Variants in RIPOR3 observed in about 807,000 individuals in gnomAD.
The protein encoded by RIPOR3 is RIPOR family member 3, also known as family with sequence similarity 65 member C.
Under a neutral mutation model 114.3 loss-of-function variants are expected in RIPOR3, and 95 were observed. The ratio of observed to expected loss-of-function variants is 0.83; its 90% CI spans 0.70 to 0.99. RIPOR3 has a LOEUF of 0.99. Among genes scored for constraint, RIPOR3 ranks in the 50% least tolerant of loss-of-function variants. The pLI, the probability that RIPOR3 is intolerant of heterozygous loss-of-function variation, is 0.00. For missense variants in RIPOR3, 1,252 were observed against 1,266.9 expected (o/e 0.99, Z 0.18); for synonymous variants, 575 against 543.8 (o/e 1.06, Z -0.80).
At chr20:50,598,643 T>C (rs2083386565) in intron 13 of RIPOR3, among the ~76,000 whole-genome samples, 1 of 152,174 alleles carries the variant, frequency 6.6e-6, no homozygotes, top group African/African-American at 2.4e-5. Flanking sequence ...TGATTCTCAA[T>C]AGTCAAGGTA....
chr20:50,666,183 A>ATTTCT (rs60151515), intron 1 of RIPOR3, among the ~76,000 whole-genome samples: 2,994 of 43,766 alleles, frequency 0.068, 471 homozygotes, highest in African/African-American at 0.13. Flanking sequence ...AAGGACACCC[A>ATTTCT]TTTCTTTTCT....
chr20:50,671,931 TG>T (rs2086518086), intron 1 of RIPOR3, among the ~76,000 whole-genome samples: 1 of 146,302 alleles, frequency 6.8e-6, no homozygotes, highest in African/African-American at 2.6e-5. Flanking sequence ...GATGGATGGA[TG>T]GATGGATAGG....
chr20:50,663,402 C>T (rs1316489242), intron 1 of RIPOR3, among the ~76,000 whole-genome samples: 2 of 152,200 alleles, frequency 1.3e-5, no homozygotes, highest in African/African-American at 4.8e-5. Flanking sequence ...GGCACAGTGG[C>T]TACTAGCCAG....
chr20:50,613,881 C>T (rs1449590951), intron 4 of RIPOR3, among the ~76,000 whole-genome samples: 1 of 152,162 alleles, frequency 6.6e-6, no homozygotes, highest in Non-Finnish European at 1.5e-5. Flanking sequence ...AAGGGTGAGG[C>T]ATGCTGAGCT....
intron 1 of RIPOR3, among the ~76,000 whole-genome samples, chr20:50,648,082 C>A (rs1163304124): frequency 6.6e-6 from 1 of 151,726 alleles, no homozygotes; most frequent in East Asian, 2.0e-4. Context: ...TTTAGACCAG[C>A]CTCACCAACA....
chr20:50,630,840 AC>A lies in RIPOR3; in HGVS notation c.19del (p.Val7Ter), dbSNP rs1192315247. 2 of 1,603,622 alleles carry A rather than the reference AC, an allele frequency of 1.2e-6. No individual in the cohort carries two copies. The highest frequency in any genetic ancestry group is 1.3e-5 in the African/African-American group (1 of 74,608). The part of the protein sequence containing the change: MVTTMS[V>X]RLRFLSPGDT... ...CCCAGGGGACAGGAACCGCAACCTC[AC>A]CGACATGGTGGTCACCTGCAAGGAG... is the stretch of plus-strand genomic sequence containing the variant. On this transcript the variant is annotated frameshift_variant, in exon 2 of 22. Coordinates refer to ENST00000327979, the MANE Select transcript of RIPOR3 (RefSeq NM_001290268.2). LOFTEE classifies it high-confidence loss of function.
intron 1 of RIPOR3, among the ~76,000 whole-genome samples, chr20:50,639,656 C>G (rs974735799): frequency 6.6e-6 from 1 of 152,140 alleles, no homozygotes; most frequent in Non-Finnish European, 1.5e-5. Flanking sequence ...GCACTTGAGC[C>G]CAGGAAGTTT....
chr20:50,587,211 G>A lies in RIPOR3; in HGVS notation c.*21C>T, dbSNP rs779914064. The A allele has an allele frequency of 1.9e-6, 3 of 1,586,038 alleles. No individual in the cohort carries two copies. The South Asian group carries it at 3.3e-5, about 18-fold the overall frequency. ...CAGCAAAAAAAACGATGTGAGATTT[G>A]TGCTCATCAGCCAGGATTTTTTAAA... On this transcript the variant is annotated 3_prime_UTR_variant, in exon 22 of 22. Transcript: ENST00000327979.
intron 21 of RIPOR3, 147 bp downstream of exon 21, chr20:50,587,655 G>T: frequency 1.4e-6 from 1 of 723,418 alleles, no homozygotes; most frequent in East Asian, 2.7e-5. Context: ...AAAGGGTGGA[G>T]GTCGGCTCTG....
At chr20:50,672,408 C>T (rs987768466) in intron 1 of RIPOR3, among the ~76,000 whole-genome samples, 25 of 152,320 alleles carry the variant, frequency 1.6e-4, no homozygotes, top group African/African-American at 4.6e-4. Flanking sequence ...ACCCTCTGCC[C>T]TCCACCCAGC....
intron 1 of RIPOR3, among the ~76,000 whole-genome samples, chr20:50,641,282 A>G (rs1221375534): frequency 6.6e-6 from 1 of 151,146 alleles, no homozygotes; most frequent in African/African-American, 2.4e-5. Flanking sequence ...TGGTGGGATC[A>G]CAGCTCACTG....
intron 2 of RIPOR3, among the ~76,000 whole-genome samples, chr20:50,624,007 T>TG (rs953350285): frequency 1.2e-4 from 18 of 148,026 alleles, no homozygotes; most frequent in African/African-American, 4.1e-4. Context: ...CAGTAATTTT[T>TG]GTTTTTTTTA....
rs368206750 is a variant in RIPOR3 at position 50,597,644 on chromosome 20, C to G, written c.1726G>C (p.Ala576Pro). 2 of 1,612,116 alleles carry G rather than the reference C, an allele frequency of 1.2e-6. No individual in the cohort carries two copies. The highest frequency in any genetic ancestry group is 2.2e-5 in the South Asian group (2 of 90,602). The change falls in exon 14 of 22, where the codon GCC becomes CCC. Residue 576 changes from alanine to proline, a missense_variant. Transcript: ENST00000327979. ...SLMECILESFAFLNADFALDE... is the reference protein window; with the variant it reads ...SLMECILESFPFLNADFALDE... The stretch of plus-strand genomic sequence containing the variant: ...AGGGCGAAGTCGGCATTGAGGAAGG[C>G]GAAGCTCTCCAGGATGCACTCCATC...
In RIPOR3 at chr20:50,609,612, G is replaced by A; in HGVS notation, c.537C>T (p.Ser179=). Residue 179 remains serine, a synonymous_variant, in exon 7 of 22, where the codon AGC becomes AGT. Transcript: ENST00000327979. ...RCPPSRAARE[S]LQELGRSLHE... Reference sequence around the variant, plus strand: ...GCAGGCTGCGGCCCAGCTCCTGCAGGCTCTCTCGGGCTGCGCGGCTCGGGG... The same window carrying A: ...GCAGGCTGCGGCCCAGCTCCTGCAGACTCTCTCGGGCTGCGCGGCTCGGGG... 7.1e-7 allele frequency: 1 copy of A among 1,410,114 alleles called. No homozygotes were observed. Among genetic ancestry groups the A allele is most frequent in the Non-Finnish European group, 9.2e-7 (1 of 1,086,186 alleles). The allele number at this position is 1,410,114 out of a possible 1,614,324, so 87.4% of individuals were successfully genotyped here. A position where few individuals can be genotyped will look rare whatever the true frequency, so the allele number is the denominator to read the frequency against.
At chr20:50,686,943 G>T (rs1208784827) in intron 1 of RIPOR3, among the ~76,000 whole-genome samples, 2 of 152,122 alleles carry the variant, frequency 1.3e-5, no homozygotes, top group Non-Finnish European at 2.9e-5. Flanking sequence ...CGTGCTTGCT[G>T]GCTTAGGCCC....
intron 1 of RIPOR3, among the ~76,000 whole-genome samples, chr20:50,648,841 A>G (rs2085505194): frequency 6.6e-6 from 1 of 152,156 alleles, no homozygotes; most frequent in South Asian, 2.1e-4. Context: ...TAACACAAGC[A>G]ATGGGGAGTG....
At chr20:50,633,425 G>A (rs2084884507) in intron 1 of RIPOR3, among the ~76,000 whole-genome samples, 1 of 152,204 alleles carries the variant, frequency 6.6e-6, no homozygotes, top group Non-Finnish European at 1.5e-5. Flanking sequence ...TCTGCTGGTT[G>A]TTAAACACGT....
At chr20:50,679,135 A>AAAAAAATAT (rs2086773516) in intron 1 of RIPOR3, among the ~76,000 whole-genome samples, 1 of 20,774 alleles carries the variant, frequency 4.8e-5, no homozygotes, top group African/African-American at 1.3e-4. Flanking sequence ...AAAAAAAAAA[A>AAAAAAATAT]ATATATATAT....
chr20:50,625,950 T>C (rs2084603416), intron 2 of RIPOR3, among the ~76,000 whole-genome samples: 1 of 152,156 alleles, frequency 6.6e-6, no homozygotes, highest in African/African-American at 2.4e-5. Flanking sequence ...AAAATCCCTG[T>C]CTATAGTGAA....
Sources: gnomAD v4.1 joint callset for allele counts (sites outside exome capture counted in the v4.1 genomes callset) on GRCh38, gnomAD v4.1.1 for gene constraint, MANE v1.5 for transcripts, NCBI Gene and HGNC (gene_info 2026-07-23, HGNC 2026-07-21) for gene names.